C1orf21: variants seen among roughly 807,000 people sequenced by gnomAD.
The protein encoded by C1orf21 is uncharacterized protein C1orf21.
A neutral mutation model predicts 18.7 loss-of-function variants in C1orf21; 3 were observed. That is an observed-to-expected ratio of 0.16 (90% CI 0.07 to 0.42). The LOEUF is 0.42. Ranked by LOEUF, C1orf21 falls within the 10% of genes least tolerant of loss-of-function variation. The probability of loss-of-function intolerance (pLI) is 0.99; values close to 1 mark genes in which losing one functional copy is unlikely to be tolerated. For missense variants in C1orf21, 104 were observed against 143.6 expected (o/e 0.72, Z 1.41); for synonymous variants, 41 against 46.4 (o/e 0.88, Z 0.47).
chr1:184,580,646 A>G (rs150781049), intron 3 of C1orf21, among the ~76,000 whole-genome samples: 3 of 152,354 alleles, frequency 2.0e-5, no homozygotes, highest in African/African-American at 7.2e-5. Context: ...TTGTCCCCAT[A>G]AACTTTTCAA....
intron 1 of C1orf21, among the ~76,000 whole-genome samples, chr1:184,398,989 A>G (rs1186404996): frequency 6.6e-6 from 1 of 152,160 alleles, no homozygotes; most frequent in Non-Finnish European, 1.5e-5. Flanking sequence ...TTCTAACAGT[A>G]ATTTCCTAAT....
At chr1:184,468,253 G>A (rs1535132) in intron 1 of C1orf21, among the ~76,000 whole-genome samples, 49,389 of 152,048 alleles carry the variant, frequency 0.32, 10,289 homozygotes, top group African/African-American at 0.6. Context: ...CTAGCAGGAT[G>A]GAAGCAGGTT....
At chr1:184,514,612 A>G (rs1419812627) in intron 3 of C1orf21, among the ~76,000 whole-genome samples, 2 of 152,226 alleles carry the variant, frequency 1.3e-5, no homozygotes, top group Non-Finnish European at 2.9e-5. Flanking sequence ...ATGCACACCC[A>G]TAACCCAGCA....
chr1:184,592,262 A>C (rs1053173967), intron 4 of C1orf21: 1 of 152,294 alleles, frequency 6.6e-6, no homozygotes, highest in South Asian at 2.1e-4. Flanking sequence ...AAAAGAAAAA[A>C]ATTAACTTGA....
intron 2 of C1orf21, among the ~76,000 whole-genome samples, chr1:184,500,490 C>T (rs1000746243): frequency 1.1e-4 from 16 of 152,210 alleles, no homozygotes; most frequent in East Asian, 3.9e-4. Context: ...CAGCTGAGGG[C>T]GCCTTTCATC....
chr1:184,621,534 C>T lies in C1orf21; in HGVS notation c.*1978C>T, dbSNP rs981584342. ...CTTGTTCACTGGGGACTTTGCTTAC[C>T]GTTCTGTGGGTGACCTTTTCCGGGA... On this transcript the variant is annotated 3_prime_UTR_variant, in exon 6 of 6. Coordinates refer to ENST00000235307, the MANE Select transcript of C1orf21 (RefSeq NM_030806.4). 14 of 152,666 alleles carry T rather than the reference C, an allele frequency of 9.2e-5. No homozygotes were observed. The highest frequency in any genetic ancestry group is 2.9e-4 in the African/African-American group (12 of 41,532). 9.5% of individuals were successfully genotyped at this position (152,666 alleles called of 1,614,324 possible).
intron 3 of C1orf21, among the ~76,000 whole-genome samples, chr1:184,579,341 T>C (rs866723787): frequency 3.1e-4 from 45 of 145,494 alleles, no homozygotes; most frequent in South Asian, 2.3e-4. Flanking sequence ...CATGAACTAC[T>C]ACACCTGACC....
At chr1:184,583,013 AT>A (rs1382566878) in intron 3 of C1orf21, among the ~76,000 whole-genome samples, 1 of 151,844 alleles carries the variant, frequency 6.6e-6, no homozygotes, top group Non-Finnish European at 1.5e-5. Flanking sequence ...TAAATTTTGT[AT>A]TTTTAGTAGA....
intron 1 of C1orf21, among the ~76,000 whole-genome samples, chr1:184,474,552 C>T (rs1018211087): frequency 1.3e-5 from 2 of 152,136 alleles, no homozygotes; most frequent in Non-Finnish European, 1.5e-5. Flanking sequence ...AACTGCTTTT[C>T]GGGAGTAGCA....
chr1:184,599,438 C>A (rs1659558089), intron 5 of C1orf21: 2 of 152,182 alleles, frequency 1.3e-5, no homozygotes, highest in African/African-American at 4.8e-5. Flanking sequence ...GCAGATCCCA[C>A]TTTGACATGG....
intron 3 of C1orf21, among the ~76,000 whole-genome samples, chr1:184,571,787 A>C (rs1305324325): frequency 6.6e-6 from 1 of 152,146 alleles, no homozygotes; most frequent in Non-Finnish European, 1.5e-5. Flanking sequence ...CATCCTCTTT[A>C]ATTTATATAG....
chr1:184,533,228 C>A (rs1237758171), intron 3 of C1orf21, among the ~76,000 whole-genome samples: 1 of 152,030 alleles, frequency 6.6e-6, no homozygotes, highest in Non-Finnish European at 1.5e-5. Flanking sequence ...TTGACTGCTC[C>A]CTGACCCCTC....
intron 2 of C1orf21, among the ~76,000 whole-genome samples, chr1:184,496,615 T>A (rs1657898414): frequency 6.6e-6 from 1 of 152,198 alleles, no homozygotes; most frequent in African/African-American, 2.4e-5. Context: ...TTGAAAATTA[T>A]TGAATTCTGG....
chr1:184,452,343 G>T (rs2101980176), intron 1 of C1orf21, among the ~76,000 whole-genome samples: 1 of 152,310 alleles, frequency 6.6e-6, no homozygotes, highest in South Asian at 2.1e-4. Context: ...CTTCATTGCA[G>T]GTGTGAGTGT....
intron 3 of C1orf21, among the ~76,000 whole-genome samples, chr1:184,514,536 A>G (rs1427163587): frequency 6.6e-6 from 1 of 152,174 alleles, no homozygotes; most frequent in Non-Finnish European, 1.5e-5. Flanking sequence ...ACAGGAAAAT[A>G]GGTATTCAAA....
intron 3 of C1orf21, among the ~76,000 whole-genome samples, chr1:184,538,036 C>G (rs1658586838): frequency 6.6e-6 from 1 of 152,140 alleles, no homozygotes. Context: ...GAGGAGCTGC[C>G]AGAACTGTTT....
chr1:184,433,120 C>T (rs1326452451), intron 1 of C1orf21, among the ~76,000 whole-genome samples: 2 of 152,200 alleles, frequency 1.3e-5, no homozygotes, highest in Admixed American at 1.3e-4. Flanking sequence ...TGGCCATCCC[C>T]TGTTGGCCTC....
chr1:184,508,516 A>G (rs1472027594), intron 3 of C1orf21, among the ~76,000 whole-genome samples: 4 of 152,036 alleles, frequency 2.6e-5, no homozygotes, highest in Non-Finnish European at 5.9e-5. Flanking sequence ...GTTTTTTTAT[A>G]ATGTGCTTTG....
chr1:184,453,162 T>C (rs1657147760), intron 1 of C1orf21, among the ~76,000 whole-genome samples: 1 of 152,040 alleles, frequency 6.6e-6, no homozygotes, highest in South Asian at 2.1e-4. Flanking sequence ...GAAGCCAGAG[T>C]TGTGCTCTAG....
Sources: gnomAD v4.1 joint callset for allele counts (sites outside exome capture counted in the v4.1 genomes callset) on GRCh38, gnomAD v4.1.1 for gene constraint, MANE v1.5 for transcripts, NCBI Gene and HGNC (gene_info 2026-07-23, HGNC 2026-07-21) for gene names.